PC: variants seen among roughly 807,000 people sequenced by gnomAD.
The protein encoded by PC is pyruvate carboxylase, mitochondrial.
In PC, 46 loss-of-function variants were observed where a neutral mutation model predicts 107.8. The observed-to-expected ratio is 0.43, with a 90% CI of 0.34 to 0.55. PC has a LOEUF of 0.55. Ranked by LOEUF, PC falls within the 20% of genes least tolerant of loss-of-function variation. PC has a pLI of 0.04. For synonymous variants in PC, 662 were observed against 684.7 expected (o/e 0.97, Z 0.52); for missense variants, 1,241 against 1,643.1 (o/e 0.76, Z 4.23).
Position 66,886,273 on chromosome 11 carries a change from G to GGAAGCAAACAGCCTGGCGTGGCCCA in PC, c.1-14115_1-14114insTGGGCCACGCCAGGCTGTTTGCTTC, listed in dbSNP as rs546307638. Among the ~76,000 whole-genome samples the GGAAGCAAACAGCCTGGCGTGGCCCA allele has an allele frequency of 8.8e-3, 1,344 of 152,158 alleles. 10 individuals are homozygous for GGAAGCAAACAGCCTGGCGTGGCCCA. Among genetic ancestry groups the GGAAGCAAACAGCCTGGCGTGGCCCA allele is most frequent in the Non-Finnish European group, 0.013 (905 of 67,990 alleles). On this transcript the variant is annotated intron_variant, in intron 3 of 22. Coordinates refer to ENST00000393960, the MANE Select transcript of PC (RefSeq NM_001040716.2). ...GGCTGGAGCAAAGGCAGATAAGGCA[G>GGAAGCAAACAGCCTGGCGTGGCCCA]GAAGCAAACAGCCTGGCGTGGCCCG...
At chr11:66,955,207 G>C (rs1949531120) in intron 1 of PC, among the ~76,000 whole-genome samples, 1 of 152,228 alleles carries the variant, frequency 6.6e-6, no homozygotes, top group Non-Finnish European at 1.5e-5. Flanking sequence ...ATTAGGTACT[G>C]AGAGGACAGA....
intron 3 of PC, among the ~76,000 whole-genome samples, chr11:66,906,622 C>T (rs148237840): frequency 2.6e-5 from 4 of 152,154 alleles, no homozygotes; most frequent in African/African-American, 9.6e-5. Flanking sequence ...CTCCATCCCC[C>T]CAGTCTTTCC....
At chr11:66,956,953 T>C (rs1313104396) in intron 1 of PC, among the ~76,000 whole-genome samples, 3 of 152,248 alleles carry the variant, frequency 2.0e-5, no homozygotes, top group Non-Finnish European at 4.4e-5. Context: ...AGGATTGACC[T>C]CATCGCCCAC....
Position 66,872,100 on chromosome 11 carries a change from G to T in PC, c.60C>A (p.Ser20=). ...GLRLLGIRRT[S]TAPAASPNVR... ...CATTTGGGGAGGCAGCGGGGGCGGT[G>T]GAGGTTCGGCGGATTCCCAGGAGCC... Residue 20 remains serine (S), a synonymous_variant, in exon 4 of 23, where the codon TCC becomes TCA. Coordinates refer to ENST00000393960, the MANE Select transcript of PC (RefSeq NM_001040716.2). 6.4e-7 allele frequency: 1 copy of T among 1,572,908 alleles called. No homozygotes were observed. Among genetic ancestry groups the T allele is most frequent in the Non-Finnish European group, 8.6e-7 (1 of 1,159,724 alleles).
intron 3 of PC, among the ~76,000 whole-genome samples, chr11:66,931,700 G>A (rs1417257972): frequency 4.6e-5 from 7 of 152,092 alleles, no homozygotes; most frequent in Admixed American, 4.6e-4. Context: ...AGCAGAAAGG[G>A]CACAGGAGAA....
At chr11:66,891,355 C>CTT in intron 3 of PC, among the ~76,000 whole-genome samples, 1 of 151,724 alleles carries the variant, frequency 6.6e-6, no homozygotes, top group East Asian at 1.9e-4. Flanking sequence ...CCACTGTGCC[C>CTT]ACCTAATAGG....
intron 16 of PC, 136 bp downstream of exon 16, chr11:66,851,654 A>G: frequency 1.1e-6 from 1 of 931,874 alleles, no homozygotes; most frequent in Non-Finnish European, 1.7e-6. Context: ...ATATTTCCAA[A>G]CAGCAGCCCC....
chr11:66,946,608 G>A (rs955989463), intron 3 of PC, among the ~76,000 whole-genome samples: 1 of 151,990 alleles, frequency 6.6e-6, no homozygotes, highest in Admixed American at 6.6e-5. Flanking sequence ...GCAACAGAGT[G>A]AGACTCCATC....
In PC at chr11:66,850,775, G is replaced by T; in HGVS notation, c.2372C>A (p.Ala791Asp). The change falls in exon 18 of 23, where the codon GCT becomes GAT. Residue 791 changes from alanine (A) to aspartate (D), a missense_variant. Physicochemically the swap from Ala to Asp is moderately radical, Grantham distance 126 (BLOSUM62 -2). Coordinates refer to ENST00000393960, the MANE Select transcript of PC (RefSeq NM_001040716.2). ...ATCAGCTGCCACATCCACCACATCAGCTCCAGCCTGGGCACAGGCCAGCAT... is the reference window on the plus strand; with the variant it reads ...ATCAGCTGCCACATCCACCACATCATCTCCAGCCTGGGCACAGGCCAGCAT... ...AAMLACAQAG[A>D]DVVDVAADSM... 6.2e-7 allele frequency: 1 copy of T among 1,611,476 alleles called. No individual in the cohort carries two copies.
chr11:66,858,570 T>C lies in PC; in HGVS notation c.1369-5187A>G. On this transcript the variant is annotated intron_variant, in intron 12 of 22. Coordinates refer to ENST00000393960, the MANE Select transcript of PC (RefSeq NM_001040716.2). This position sits in a 1 kb window ranked among gnomAD's most constrained non-coding sequence, Gnocchi z 5.9. Reference sequence around the variant, plus strand: ...CTTCTGGGCAGTGCCCGAGGGCGAGTTCTCCTGTGAGCCGCCCCTCATTGC... The same window carrying C: ...CTTCTGGGCAGTGCCCGAGGGCGAGCTCTCCTGTGAGCCGCCCCTCATTGC... 1 of 1,532,746 alleles carries C rather than the reference T, an allele frequency of 6.5e-7. No individual in the cohort carries two copies. The highest frequency in any genetic ancestry group is 8.7e-7 in the Non-Finnish European group (1 of 1,144,016). 94.9% of individuals were successfully genotyped at this position (1,532,746 alleles called of 1,614,324 possible).
At chr11:66,854,879 A>G (rs939806084) in intron 12 of PC, among the ~76,000 whole-genome samples, 6 of 152,208 alleles carry the variant, frequency 3.9e-5, no homozygotes, top group Non-Finnish European at 8.8e-5. Flanking sequence ...TCCTGAAGAG[A>G]TGCTGACATT....
intron 3 of PC, among the ~76,000 whole-genome samples, chr11:66,896,823 C>A (rs376867758): frequency 6.6e-6 from 1 of 152,250 alleles, no homozygotes; most frequent in South Asian, 2.1e-4. Flanking sequence ...TACGCACATA[C>A]ACTCATAAAC....
Position 66,871,954 on chromosome 11 carries a change from G to GT in PC, c.136+69dup. 1 of 1,565,472 alleles carries GT rather than the reference G, an allele frequency of 6.4e-7. No homozygotes were observed. ...GAGTGGGAAGCCAGGGCCTGGGGCA[G>GT]TGAGTGGGAGAAGAATGCCAAGGCT... On this transcript the variant is annotated intron_variant, in intron 4 of 22. Transcript: ENST00000393960. This position sits in a 1 kb window ranked among gnomAD's most constrained non-coding sequence, Gnocchi z 7.4.
At chr11:66,948,163 C>T (rs767980053) in intron 3 of PC, among the ~76,000 whole-genome samples, 10 of 149,796 alleles carry the variant, frequency 6.7e-5, no homozygotes, top group South Asian at 6.3e-4. Flanking sequence ...GCTATGATCA[C>T]GCCGCTATAT....
chr11:66,848,473 C>A lies in PC; in HGVS notation c.*426G>T. 1.9e-6 allele frequency: 1 copy of A among 540,492 alleles called. No homozygotes were observed. Among genetic ancestry groups the A allele is most frequent in the Non-Finnish European group, 3.2e-6 (1 of 308,076 alleles). The allele number at this position is 540,492 out of a possible 1,614,324, so 33.5% of individuals were successfully genotyped here. ...ACCCATGGGGAGCTTGAAAGGCAGCCCCCCACTGCTGAGTGGTGCAGGCTG... is the reference window on the plus strand; with the variant it reads ...ACCCATGGGGAGCTTGAAAGGCAGCACCCCACTGCTGAGTGGTGCAGGCTG... On this transcript the variant is annotated 3_prime_UTR_variant, in exon 23 of 23. Coordinates refer to ENST00000393960, the MANE Select transcript of PC (RefSeq NM_001040716.2).
At chr11:66,851,382 G>C (rs955063413) in intron 16 of PC, 102 bp from the exon 17 acceptor site, 110 of 1,533,120 alleles carry the variant, frequency 7.2e-5, no homozygotes, top group Non-Finnish European at 9.7e-5. Context: ...TGGGGAATGA[G>C]ATCTGAGGGT....
intron 3 of PC, among the ~76,000 whole-genome samples, chr11:66,916,216 G>A (rs1173488609): frequency 6.6e-6 from 1 of 152,166 alleles, no homozygotes; most frequent in Non-Finnish European, 1.5e-5. Flanking sequence ...TAGACAGCAA[G>A]CCTGTCCTGC....
At chr11:66,859,751 C>T (rs1591155927) in intron 12 of PC, 1 of 1,608,930 alleles carries the variant, frequency 6.2e-7, no homozygotes, top group African/African-American at 1.3e-5. Context: ...ACCTCACGGC[C>T]ACCAGGCTGC....
At chr11:66,875,713 G>A (rs149853502) in intron 3 of PC, among the ~76,000 whole-genome samples, 217 of 152,200 alleles carry the variant, frequency 1.4e-3, no homozygotes, top group African/African-American at 5.0e-3. Context: ...GGGCCACTGC[G>A]GTGACCAGGA....
Sources: gnomAD v4.1 joint callset for allele counts (sites outside exome capture counted in the v4.1 genomes callset) on GRCh38, gnomAD v4.1.1 for gene constraint, Gnocchi (gnomAD v3.1) non-coding constraint, MANE v1.5 for transcripts, NCBI Gene and HGNC (gene_info 2026-07-23, HGNC 2026-07-21) for gene names.